The following EDC3 variants were observed in gnomAD, a reference collection of about 807,000 sequenced individuals.
The protein encoded by EDC3 is enhancer of mRNA-decapping protein 3.
EDC3 carries 20 observed loss-of-function variants against 41.8 expected under a neutral mutation model. The ratio of observed to expected loss-of-function variants is 0.48; its 90% confidence interval spans 0.34 to 0.70. EDC3 has a LOEUF of 0.70. Among genes scored for constraint, EDC3 ranks in the 30% least tolerant of loss-of-function variants. EDC3 has a pLI of 0.01. For synonymous variants in EDC3, 206 were observed against 243.2 expected (o/e 0.85, Z 1.42); for missense variants, 444 against 636.8 (o/e 0.70, Z 3.26).
intron 1 of EDC3, among the ~76,000 whole-genome samples, chr15:74,689,548 G>A (rs778608153): frequency 1.3e-5 from 2 of 149,760 alleles, no homozygotes; most frequent in African/African-American, 2.5e-5. Flanking sequence ...TTTTTGAGAC[G>A]GAGTCTCGCT....
In EDC3 at chr15:74,631,006, G is replaced by C. The variant is rs2062198628; in HGVS notation, c.*1606C>G. 6.6e-6 allele frequency: 1 copy of C among 152,236 alleles called. No homozygotes were observed. The highest frequency in any genetic ancestry group is 2.4e-5 in the African/African-American group (1 of 41,450). The allele number at this position is 152,236 out of a possible 1,614,324, so 9.4% of individuals were successfully genotyped here. A position where few individuals can be genotyped will look rare whatever the true frequency, so the allele number is the denominator to read the frequency against. On this transcript the variant is annotated 3_prime_UTR_variant, in exon 7 of 7. Transcript: ENST00000315127. ...AGATTTTGGCCAAGAGAGGGCCCCG[G>C]CTTGGGAGCTGCTTGGCCCTGAGAG...
At chr15:74,646,835 T>G (rs578185879) in intron 4 of EDC3, among the ~76,000 whole-genome samples, 37 of 152,148 alleles carry the variant, frequency 2.4e-4, no homozygotes, top group Non-Finnish European at 3.8e-4. Flanking sequence ...TAGGATAGCA[T>G]AAGGAACTAA....
chr15:74,689,556 G>A (rs1334289110), intron 1 of EDC3, among the ~76,000 whole-genome samples: 2 of 149,078 alleles, frequency 1.3e-5, no homozygotes, highest in Non-Finnish European at 3.0e-5. Context: ...ACGGAGTCTC[G>A]CTCTTTCGCC....
At position 74,632,579 on chromosome 15, in the gene EDC3, G is replaced by A. The variant is rs758129084; in HGVS notation, c.*33C>T. The A allele has an allele frequency of 1.0e-5, 16 of 1,598,342 alleles. No homozygotes were observed. In the South Asian group the frequency reaches 1.8e-4, roughly 18 times the overall value. ...AGGCGTTTGTTATCAGGAGCAGCAGGGGACAGCAGAGTCCTGCCTGCGCAG... is the reference window on the plus strand; with the variant it reads ...AGGCGTTTGTTATCAGGAGCAGCAGAGGACAGCAGAGTCCTGCCTGCGCAG... On this transcript the variant is annotated 3_prime_UTR_variant, in exon 7 of 7. Coordinates refer to ENST00000315127, the MANE Select transcript of EDC3 (RefSeq NM_025083.5). This position sits in a 1 kb window ranked among gnomAD's most constrained non-coding sequence, Gnocchi z 4.0.
intron 6 of EDC3, among the ~76,000 whole-genome samples, chr15:74,633,270 C>G (rs893041050): frequency 1.3e-5 from 2 of 152,210 alleles, no homozygotes; most frequent in Admixed American, 6.5e-5. Context: ...CTCAGGCATG[C>G]CTCTGTATAT....
chr15:74,661,496 G>A (rs552925625), intron 3 of EDC3, among the ~76,000 whole-genome samples: 148 of 152,100 alleles, frequency 9.7e-4, no homozygotes, highest in South Asian at 3.9e-3. Context: ...ATGTACACAC[G>A]GCCAGGGGTG....
chr15:74,650,613 G>A (rs1381632241), intron 4 of EDC3, among the ~76,000 whole-genome samples: 2 of 152,278 alleles, frequency 1.3e-5, no homozygotes, highest in Admixed American at 6.5e-5. Context: ...TTAAAGGCAA[G>A]GACTATCTTA....
intron 6 of EDC3, among the ~76,000 whole-genome samples, chr15:74,634,376 C>G (rs2062246108): frequency 6.6e-6 from 1 of 152,186 alleles, no homozygotes; most frequent in Non-Finnish European, 1.5e-5. Context: ...GCTCAGTTTT[C>G]CAACTTCTGT....
chr15:74,654,348 GAT>G (rs1257123525), intron 4 of EDC3, among the ~76,000 whole-genome samples: 2 of 152,076 alleles, frequency 1.3e-5, no homozygotes, highest in Non-Finnish European at 2.9e-5. Context: ...TTGGACTACA[GAT>G]ATAGAGAGCT....
At chr15:74,674,295 A>C (rs555050223) in intron 2 of EDC3, among the ~76,000 whole-genome samples, 15 of 152,124 alleles carry the variant, frequency 9.9e-5, no homozygotes, top group Non-Finnish European at 2.2e-4. Flanking sequence ...TCTTTTGTAA[A>C]GACGAGGTCT....
chr15:74,691,649 C>T (rs1378202860), intron 1 of EDC3, among the ~76,000 whole-genome samples: 2 of 152,162 alleles, frequency 1.3e-5, no homozygotes, highest in African/African-American at 2.4e-5. Context: ...TAAACCTGAT[C>T]TGTGTGGATA....
At chr15:74,649,797 T>C (rs1222082513) in intron 4 of EDC3, among the ~76,000 whole-genome samples, 10 of 149,406 alleles carry the variant, frequency 6.7e-5, no homozygotes, top group Non-Finnish European at 1.5e-5. Context: ...TATCCCTCAT[T>C]GTAGCAACTC....
At chr15:74,683,070 A>G (rs541680355) in intron 1 of EDC3, among the ~76,000 whole-genome samples, 5 of 152,320 alleles carry the variant, frequency 3.3e-5, no homozygotes, top group African/African-American at 1.2e-4. Context: ...TTTATATCAC[A>G]TTTACTCAAA....
chr15:74,652,099 AACTACAGTTTCTACTG>A (rs2062487417), intron 4 of EDC3, among the ~76,000 whole-genome samples: 1 of 152,246 alleles, frequency 6.6e-6, no homozygotes, highest in East Asian at 1.9e-4. Context: ...TAATAATTTC[AACTACAGTTTCTACTG>A]ACTATTGCTT....
intron 2 of EDC3, among the ~76,000 whole-genome samples, chr15:74,674,323 A>G (rs1487614280): frequency 2.6e-5 from 4 of 152,100 alleles, no homozygotes; most frequent in African/African-American, 9.7e-5. Flanking sequence ...TTGACTAGCC[A>G]GTTTTGAAAT....
At chr15:74,669,781 G>A (rs534466275) in intron 3 of EDC3, among the ~76,000 whole-genome samples, 1 of 152,156 alleles carries the variant, frequency 6.6e-6, no homozygotes, top group East Asian at 1.9e-4. Flanking sequence ...CTTTTAGAAG[G>A]TATTGCCATA....
rs781765253 is a variant in EDC3, at chr15:74,671,769, C to A, written c.170G>T (p.Gly57Val). The A allele has an allele frequency of 6.2e-7, 1 of 1,613,360 alleles. No individual in the cohort carries two copies. Among genetic ancestry groups the A allele is most frequent in the Non-Finnish European group, 8.5e-7 (1 of 1,179,440 alleles). Residue 57 changes from glycine (G) to valine (V), a missense_variant, in exon 3 of 7, where the codon GGT becomes GTT. Around this residue, in one of 3 missense-constraint regions of EDC3, gnomAD observed 200 missense variants for 244.0 expected, o/e 0.82. Transcript: ENST00000315127. The surrounding 1 kb of genome is among the most constrained non-coding windows in gnomAD (Gnocchi z 4.6). ...CLVPEVTFRA[G>V]DITELKILEI... The stretch of plus-strand genomic sequence containing the variant: ...CAGAATTTTTAACTCCGTAATGTCA[C>A]CTGCCCTGAAATACACAAAAAAGCC...
At position 74,695,152 on chromosome 15, in the gene EDC3, A is replaced by G. The variant is rs186579468; in HGVS notation, c.-19+728T>C. Among the ~76,000 whole-genome samples, 33 of 152,318 alleles carry G rather than the reference A, an allele frequency of 2.2e-4. No homozygotes were observed. The South Asian group carries it at 5.2e-3, about 24-fold the overall frequency. On this transcript the variant is annotated intron_variant, in intron 1 of 6. Transcript: ENST00000315127. ...CGAGTTCCTCACCTGTAACCACAGG[A>G]GAAGACTGTTGGCTTGGTCAGTTGA... is the stretch of plus-strand genomic sequence containing the variant.
In EDC3 at chr15:74,671,345, G is replaced by A; in HGVS notation, c.484+110C>T. 1 of 1,208,006 alleles carries A rather than the reference G, an allele frequency of 8.3e-7. No homozygotes were observed. Among genetic ancestry groups the A allele is most frequent in the Non-Finnish European group, 1.2e-6 (1 of 854,578 alleles). The allele number at this position is 1,208,006 out of a possible 1,614,324, so 74.8% of individuals were successfully genotyped here. On this transcript the variant is annotated intron_variant, in intron 3 of 6. Transcript: ENST00000315127. The surrounding 1 kb of genome is among the most constrained non-coding windows in gnomAD (Gnocchi z 4.6). ...GTTGTATTTCTGTGACGCTCAGCCAGCATCCATTTTATTGGAATAACAAAG... is the reference window on the plus strand; with the variant it reads ...GTTGTATTTCTGTGACGCTCAGCCAACATCCATTTTATTGGAATAACAAAG...
Sources: gnomAD v4.1 joint callset for allele counts (sites outside exome capture counted in the v4.1 genomes callset) on GRCh38, gnomAD v4.1.1 for gene constraint, gnomAD v4.1.1 regional missense constraint, Gnocchi (gnomAD v3.1) non-coding constraint, MANE v1.5 for transcripts, NCBI Gene and HGNC (gene_info 2026-07-23, HGNC 2026-07-21) for gene names.